The following POLR2B variants were observed in gnomAD, a reference collection of about 807,000 sequenced individuals.
The protein encoded by POLR2B is DNA-directed RNA polymerase II subunit RPB2.
A neutral mutation model predicts 144.6 loss-of-function variants in POLR2B; 57 were observed. The observed-to-expected ratio is 0.39, with a 90% CI of 0.32 to 0.49. The LOEUF (loss-of-function observed/expected upper bound fraction) is 0.49, where lower values mean the gene tolerates loss of function less well. Among genes scored for constraint, POLR2B ranks in the 20% least tolerant of loss-of-function variants. POLR2B has a pLI of 0.83. For missense variants in POLR2B, 595 were observed against 1,467.4 expected (o/e 0.41, Z 9.71); for synonymous variants, 442 against 469.8 (o/e 0.94, Z 0.77).
chr4:57,023,541 A>G lies in POLR2B; in HGVS notation c.2727A>G (p.Val909=). The part of the protein sequence containing the change: ...SETGIVDQVM[V]TLNQEGYKFC... The stretch of plus-strand genomic sequence containing the variant: ...CGGGCATTGTGGATCAGGTTATGGT[A>G]ACTCTCAATCAGGAAGGATATAAAT... The change falls in exon 19 of 25, where the codon GTA becomes GTG. Residue 909 remains valine, a synonymous_variant. Coordinates refer to ENST00000314595, the MANE Select transcript of POLR2B (RefSeq NM_000938.3). This position sits in a 1 kb window ranked among gnomAD's most constrained non-coding sequence, Gnocchi z 4.3. The G allele has an allele frequency of 1.2e-6, 2 of 1,613,966 alleles. No individual in the cohort carries two copies. Among genetic ancestry groups the G allele is most frequent in the Non-Finnish European group, 1.7e-6 (2 of 1,179,828 alleles).
Position 56,996,276 on chromosome 4 carries a change from A to ATTTTTT in POLR2B, c.735+868_735+869insTTTTTT, listed in dbSNP as rs1560474600. Among the ~76,000 whole-genome samples, 99 of 85,552 alleles carry ATTTTTT rather than the reference A, an allele frequency of 1.2e-3. 2 individuals are homozygous for ATTTTTT. Among genetic ancestry groups the ATTTTTT allele is most frequent in the East Asian group, 6.8e-3 (19 of 2,802 alleles). The allele number at this position is 85,552 out of a possible 152,430, so 56.1% of individuals were successfully genotyped here. On this transcript the variant is annotated intron_variant, in intron 6 of 24. Transcript: ENST00000314595. ...TGTGTGTGTGTGTATATATATATAT[A>ATTTTTT]TATTTTTTTTTTTTTTTTTTTTTGA...
intron 1 of POLR2B, among the ~76,000 whole-genome samples, chr4:56,980,435 TG>T (rs1722120897): frequency 1.3e-5 from 2 of 152,052 alleles, no homozygotes; most frequent in Admixed American, 6.6e-5. Flanking sequence ...AATGTTAAAG[TG>T]GGGTGGCTGG....
intron 7 of POLR2B, among the ~76,000 whole-genome samples, chr4:57,001,778 T>A (rs1722861873): frequency 6.6e-6 from 1 of 152,162 alleles, no homozygotes; most frequent in Non-Finnish European, 1.5e-5. Flanking sequence ...AGGTTAAATG[T>A]CCAGTTCCTT....
chr4:57,019,251 T>C (rs1281953691), intron 16 of POLR2B, among the ~76,000 whole-genome samples: 1 of 152,176 alleles, frequency 6.6e-6, no homozygotes, highest in Non-Finnish European at 1.5e-5. Context: ...AAAATAAATA[T>C]ACAGAAGGAC....
At position 57,005,446 on chromosome 4, in the gene POLR2B, T is replaced by C. The variant is rs1722986340; in HGVS notation, c.1097+4T>C. The C allele has an allele frequency of 3.2e-6, 5 of 1,560,172 alleles. No homozygotes were observed. Among genetic ancestry groups the C allele is most frequent in the Non-Finnish European group, 4.3e-6 (5 of 1,156,132 alleles). On this transcript the variant is annotated splice_donor_region_variant and intron_variant, in intron 8 of 24. Transcript: ENST00000314595. ...CCAAAAAAGCCTATTTCTTGGGGTA[T>C]GTTAAGTTTCATTGTTTTAAGTTCT...
intron 24 of POLR2B, chr4:57,030,678 A>C: frequency 1.8e-6 from 1 of 556,404 alleles, no homozygotes; most frequent in Non-Finnish European, 3.2e-6. Flanking sequence ...AAAACCTTTT[A>C]GTTGAGGTGG....
rs1323232709 is a variant in POLR2B at position 56,997,710 on chromosome 4, A to T, written c.736-1907A>T. On this transcript the variant is annotated intron_variant, in intron 6 of 24. Transcript: ENST00000314595. ...AGATAGCTCTAATTGAGCTGGATGA[A>T]GTATGTTGAATAGTGAGTGACAAGT... Among the ~76,000 whole-genome samples the T allele has an allele frequency of 8.5e-5, 13 of 152,320 alleles. No individual in the cohort carries two copies. In the East Asian group the frequency reaches 2.1e-3, roughly 25 times the overall value.
At chr4:57,002,720 T>C (rs1208881221) in intron 7 of POLR2B, 1 of 152,124 alleles carries the variant, frequency 6.6e-6, no homozygotes, top group African/African-American at 2.4e-5. Context: ...CATATACTAA[T>C]ACTGGAACAA....
At chr4:56,982,511 T>C (rs1185250204) in intron 1 of POLR2B, among the ~76,000 whole-genome samples, 1 of 151,908 alleles carries the variant, frequency 6.6e-6, no homozygotes, top group Non-Finnish European at 1.5e-5. Flanking sequence ...AATTTGAGGC[T>C]ACAGTGAGCT....
chr4:57,000,713 G>T (rs1451957387), intron 7 of POLR2B, among the ~76,000 whole-genome samples: 2 of 151,736 alleles, frequency 1.3e-5, no homozygotes, highest in African/African-American at 4.8e-5. Flanking sequence ...TTTTGGGGGG[G>T]AGGATAGAGT....
In POLR2B at chr4:57,031,106, A is replaced by G; in HGVS notation, c.*118A>G. The G allele has an allele frequency of 1.4e-6, 1 of 736,086 alleles. No individual in the cohort carries two copies. Among genetic ancestry groups the G allele is most frequent in the Non-Finnish European group, 2.4e-6 (1 of 425,308 alleles). 45.6% of individuals were successfully genotyped at this position (736,086 alleles called of 1,614,324 possible). On this transcript the variant is annotated 3_prime_UTR_variant, in exon 25 of 25. Transcript: ENST00000314595. ...TGATAAAAAGTATTTTATTTGTTTA[A>G]TGATATGCATGCTTTTCTTCTGTAA... is the stretch of plus-strand genomic sequence containing the variant.
At position 57,005,719 on chromosome 4, in the gene POLR2B, G is replaced by A. The variant is rs1560478122; in HGVS notation, c.1217G>A (p.Gly406Asp). The A allele has an allele frequency of 3.7e-6, 6 of 1,608,084 alleles. No individual in the cohort carries two copies. The highest frequency in any genetic ancestry group is 4.2e-6 in the Non-Finnish European group (5 of 1,178,060). ...CCGCTGCTTGCATTCTTATTTAGAG[G>A]GTAAGGAATTACAGAATGAAGTCAT... ...AGPLLAFLFR[G>D]MFKNLLKEVR... is the part of the protein sequence containing the mutation. The change falls in exon 9 of 25, where the codon GGT (glycine) becomes GAT (aspartate). Residue 406 changes from glycine to aspartate, a missense_variant and splice_region_variant. By Grantham distance (94) the Gly-to-Asp change is moderately conservative. Transcript: ENST00000314595.
Position 57,017,867 on chromosome 4 carries a change from A to G in POLR2B, c.2323+139A>G, listed in dbSNP as rs1560482601. On this transcript the variant is annotated intron_variant, in intron 16 of 24. Coordinates refer to ENST00000314595, the MANE Select transcript of POLR2B (RefSeq NM_000938.3). This position sits in a 1 kb window ranked among gnomAD's most constrained non-coding sequence, Gnocchi z 4.8. Reference sequence around the variant, plus strand: ...TTATAATATGGTGGGAAACATGAACATAATAAAAAGGTAGGTATGTGGAAA... The same window carrying G: ...TTATAATATGGTGGGAAACATGAACGTAATAAAAAGGTAGGTATGTGGAAA... The G allele has an allele frequency of 6.7e-6, 4 of 594,078 alleles. No homozygotes were observed. The highest frequency in any genetic ancestry group is 1.1e-5 in the Non-Finnish European group (4 of 355,206). 36.8% of individuals were successfully genotyped at this position (594,078 alleles called of 1,614,324 possible). A position where few individuals can be genotyped will look rare whatever the true frequency, so the allele number is the denominator to read the frequency against.
intron 10 of POLR2B, chr4:57,010,070 A>G (rs562040189): frequency 1.5e-4 from 45 of 299,654 alleles, no homozygotes; most frequent in Non-Finnish European, 2.4e-4. Flanking sequence ...GGGATACAAC[A>G]GAGAATAAAA....
rs549768707 is a variant in POLR2B at position 57,004,076 on chromosome 4, G to C, written c.901-1170G>C. Among the ~76,000 whole-genome samples the C allele has an allele frequency of 3.7e-5, 5 of 133,910 alleles. No homozygotes were observed. The East Asian group carries it at 1.2e-3, about 32-fold the overall frequency. 87.9% of individuals were successfully genotyped at this position (133,910 alleles called of 152,430 possible). On this transcript the variant is annotated intron_variant, in intron 7 of 24. Coordinates refer to ENST00000314595, the MANE Select transcript of POLR2B (RefSeq NM_000938.3). ...AAGTCTCACTCTGTTACCCAAGATG[G>C]AGTGCAGTGTCATGATCTTGGCTCA...
intron 23 of POLR2B, among the ~76,000 whole-genome samples, chr4:57,026,065 C>T (rs563841831): frequency 5.9e-5 from 9 of 152,088 alleles, no homozygotes; most frequent in Non-Finnish European, 1.0e-4. Flanking sequence ...GGCAAAACAC[C>T]GTCTCTACTA....
chr4:57,010,226 A>G, intron 10 of POLR2B, 135 bp from the exon 11 acceptor site: 1 of 774,318 alleles, frequency 1.3e-6, no homozygotes, highest in Non-Finnish European at 2.1e-6. Context: ...AAACAACATT[A>G]TTCAGGGAAA....
At chr4:56,979,091 T>G in intron 1 of POLR2B, 87 bp downstream of exon 1, 1 of 1,367,684 alleles carries the variant, frequency 7.3e-7, no homozygotes, top group Non-Finnish European at 1.0e-6. Flanking sequence ...TTTGGGGCCT[T>G]CCCATGCGCC....
At chr4:57,015,137 A>G (rs1325689790) in intron 13 of POLR2B, among the ~76,000 whole-genome samples, 1 of 152,168 alleles carries the variant, frequency 6.6e-6, no homozygotes, top group East Asian at 1.9e-4. Flanking sequence ...AAAGTGATAT[A>G]GGGCTGGTTT....
Sources: allele counts gnomAD v4.1 joint callset (sites outside exome capture counted in the v4.1 genomes callset), GRCh38; gene constraint gnomAD v4.1.1; non-coding constraint Gnocchi (gnomAD v3.1); transcripts MANE v1.5; gene names NCBI Gene and HGNC (gene_info 2026-07-23, HGNC 2026-07-21).